Variants in TBC1D1 observed in about 807,000 individuals in gnomAD.
TBC1D1 encodes TBC1 (tre-2/USP6, BUB2, cdc16) domain family, member 1.
A neutral mutation model predicts 125.6 loss-of-function variants in TBC1D1; 89 were observed. The observed-to-expected ratio is 0.71, with a 90% CI of 0.60 to 0.85. The LOEUF is 0.85. TBC1D1 is among the 40% of genes least tolerant of loss of function. TBC1D1 has a pLI of 0.00. For synonymous variants in TBC1D1, 565 were observed against 564.1 expected (o/e 1.00, Z -0.02); for missense variants, 1,377 against 1,469.2 (o/e 0.94, Z 1.03).
intron 2 of TBC1D1, among the ~76,000 whole-genome samples, chr4:38,009,620 T>C (rs1258465401): frequency 6.6e-6 from 1 of 152,244 alleles, no homozygotes; most frequent in Non-Finnish European, 1.5e-5. Flanking sequence ...TCTAATTCTC[T>C]TGGGATGTCA....
chr4:38,064,047 T>G lies in TBC1D1; in HGVS notation c.2050+9709T>G, dbSNP rs1326971589. On this transcript the variant is annotated intron_variant, in intron 12 of 19. Transcript: ENST00000261439. ...CTAATCTACTTTCTGTCTCTATAGA[T>G]TTGCCTATTCTGAACACTTCATCTA... 3.3e-5 allele frequency among the ~76,000 whole-genome samples: 5 copies of G among 152,256 alleles called. No individual in the cohort carries two copies. The East Asian group carries it at 9.6e-4, about 29-fold the overall frequency.
chr4:38,135,396 A>G (rs757295139), intron 19 of TBC1D1, among the ~76,000 whole-genome samples: 7 of 152,214 alleles, frequency 4.6e-5, no homozygotes, highest in Non-Finnish European at 1.0e-4. Flanking sequence ...TAATCCGTAC[A>G]AGTCATTGAC....
At chr4:37,974,861 T>A (rs1438715398) in intron 2 of TBC1D1, among the ~76,000 whole-genome samples, 2 of 152,182 alleles carry the variant, frequency 1.3e-5, no homozygotes, top group African/African-American at 4.8e-5. Context: ...GCCCAGCCTC[T>A]CTATGCCTTT....
intron 14 of TBC1D1, among the ~76,000 whole-genome samples, chr4:38,101,107 A>C (rs1267167662): frequency 6.6e-6 from 1 of 152,212 alleles, no homozygotes; most frequent in Admixed American, 6.5e-5. Context: ...ACGTGCATGG[A>C]ATGGCGATGG....
chr4:38,053,328 A>G, intron 11 of TBC1D1, 103 bp downstream of exon 13: 1 of 1,006,808 alleles, frequency 9.9e-7, no homozygotes, highest in Non-Finnish European at 1.3e-6. Context: ...TTAAAAAATC[A>G]TTTCAGCTAA....
At chr4:38,073,243 A>G (rs1755011518) in intron 12 of TBC1D1, among the ~76,000 whole-genome samples, 1 of 152,170 alleles carries the variant, frequency 6.6e-6, no homozygotes, top group Non-Finnish European at 1.5e-5. Flanking sequence ...ACAGTGCCCA[A>G]GGGCTCCAGT....
At chr4:37,974,802 A>G (rs1560554008) in intron 2 of TBC1D1, among the ~76,000 whole-genome samples, 1 of 147,722 alleles carries the variant, frequency 6.8e-6, no homozygotes, top group Non-Finnish European at 1.5e-5. Flanking sequence ...CAGGTGATCT[A>G]CCTGCCTTGG....
chr4:37,902,626 T>G, intron 2 of TBC1D1, 114 bp downstream of exon 2: 2 of 852,196 alleles, frequency 2.3e-6, no homozygotes, highest in African/African-American at 1.7e-5. Context: ...AATGCTGCAG[T>G]TATAAATTGA....
rs58659939 is a variant in TBC1D1, at chr4:38,052,167, C to CTGTGTGTGTGTGTGTGTGTGTG, written c.1911-2025_1911-2004dup. The CTGTGTGTGTGTGTGTGTGTGTG allele has an allele frequency of 4.8e-4, 354 of 736,636 alleles. No homozygotes were observed. The African/African-American group carries it at 5.7e-3, about 12-fold the overall frequency. 45.6% of individuals were successfully genotyped at this position (736,636 alleles called of 1,614,324 possible). On this transcript the variant is annotated intron_variant, in intron 11 of 19. Transcript: ENST00000261439. Reference sequence around the variant, plus strand: ...AATGTCCATGCAGGAAGCAGAGCCACTGTGTGTGTGTGTGTGTGTGTGTGT... The same window carrying CTGTGTGTGTGTGTGTGTGTGTG: ...AATGTCCATGCAGGAAGCAGAGCCACTGTGTGTGTGTGTGTGTGTGTGTGTGTGTGTGTGTGTGTGTGTGTGT...
intron 2 of TBC1D1, among the ~76,000 whole-genome samples, chr4:38,001,243 G>GAAAGAAAGAA (rs1339750845): frequency 6.6e-6 from 1 of 151,180 alleles, no homozygotes; most frequent in African/African-American, 2.4e-5. Context: ...AAGAAAGAAA[G>GAAAGAAAGAA]AATACCACTC....
chr4:37,905,751 C>T (rs1717169898), intron 2 of TBC1D1, among the ~76,000 whole-genome samples: 1 of 152,244 alleles, frequency 6.6e-6, no homozygotes, highest in South Asian at 2.1e-4. Flanking sequence ...TCCACTTTCG[C>T]TTTGACTGGA....
intron 18 of TBC1D1, among the ~76,000 whole-genome samples, chr4:38,127,381 CTTTTTTTTTT>C (rs35658047): frequency 8.0e-6 from 1 of 124,420 alleles, no homozygotes; most frequent in Admixed American, 8.1e-5. Context: ...TTTCCACTGA[CTTTTTTTTTT>C]TTTTTTTTTT....
intron 17 of TBC1D1, chr4:38,119,974 C>T: frequency 1.0e-6 from 1 of 985,340 alleles, no homozygotes; most frequent in Non-Finnish European, 1.2e-6. Context: ...TCCTTCGGCT[C>T]ATAAATGGGT....
In TBC1D1 at chr4:38,083,933, T is replaced by C. The variant is rs534484754; in HGVS notation, c.2051-5999T>C. Among the ~76,000 whole-genome samples the C allele has an allele frequency of 2.1e-5, 3 of 145,284 alleles. No individual in the cohort carries two copies. In the South Asian group the frequency reaches 6.8e-4, roughly 33 times the overall value. On this transcript the variant is annotated intron_variant, in intron 12 of 19. Transcript: ENST00000261439. ...ATTTCTTTATACCAAATGAATGTTG[T>C]CTTTTTTTTTTTTTTTTTTCTTGAG... is the stretch of plus-strand genomic sequence containing the variant.
At chr4:37,948,804 A>G (rs372309987) in intron 2 of TBC1D1, among the ~76,000 whole-genome samples, 2 of 152,230 alleles carry the variant, frequency 1.3e-5, no homozygotes, top group East Asian at 3.9e-4. Context: ...AGCCGTAACC[A>G]CAGATCTACT....
intron 2 of TBC1D1, among the ~76,000 whole-genome samples, chr4:37,911,712 G>C (rs1718672104): frequency 6.6e-6 from 1 of 152,186 alleles, no homozygotes; most frequent in African/African-American, 2.4e-5. Context: ...TTTGCTGGGT[G>C]CTGGGGTACA....
At chr4:37,957,238 AC>A (rs1156653911) in intron 2 of TBC1D1, among the ~76,000 whole-genome samples, 1 of 152,260 alleles carries the variant, frequency 6.6e-6, no homozygotes, top group African/African-American at 2.4e-5. Context: ...AATGTATGAT[AC>A]CTGATATGAC....
At chr4:38,054,939 A>AGCGTGCGCAGG (rs1751415215) in intron 12 of TBC1D1, 1 of 152,682 alleles carries the variant, frequency 6.5e-6, no homozygotes, top group Non-Finnish European at 1.5e-5. Flanking sequence ...TGTTTACTGG[A>AGCGTGCGCAGG]GTTGTAGGCG....
chr4:37,927,057 T>C (rs1052139691), intron 2 of TBC1D1, among the ~76,000 whole-genome samples: 2 of 152,088 alleles, frequency 1.3e-5, no homozygotes, highest in Non-Finnish European at 2.9e-5. Context: ...AGGCAGAGGT[T>C]GCATTGAGTC....
Sources: gnomAD v4.1 joint callset for allele counts (sites outside exome capture counted in the v4.1 genomes callset) on GRCh38, gnomAD v4.1.1 for gene constraint, MANE v1.5 for transcripts, NCBI Gene and HGNC (gene_info 2026-07-23, HGNC 2026-07-21) for gene names.